CDHR1: variants seen among roughly 807,000 people sequenced by gnomAD.
CDHR1 encodes the protein cadherin related family member 1, also known as cadherin-related family member 1.
Under a neutral mutation model 72.1 loss-of-function variants are expected in CDHR1, and 61 were observed. The ratio of observed to expected loss-of-function variants is 0.85; its 90% CI spans 0.69 to 1.05. The LOEUF is 1.05. Ranked by LOEUF, CDHR1 falls within the 50% of genes least tolerant of loss-of-function variation. The pLI is 0.00. For synonymous variants in CDHR1, 470 were observed against 448.1 expected, an observed-to-expected ratio of 1.05 and a Z score of -0.62; for missense variants, 1,186 against 1,115.7, an observed-to-expected ratio of 1.06 and a Z score of -0.90.
chr10:84,214,873 T>A lies in CDHR1; in HGVS notation c.*252T>A, dbSNP rs1842403047. On this transcript the variant is annotated 3_prime_UTR_variant, in exon 17 of 17. Coordinates refer to ENST00000623527, the MANE Select transcript of CDHR1 (RefSeq NM_033100.4). ...CAATTGGCAAATACGTCCCCGTTACTCAAATCCTTGGCACTACTACAATGC... is the reference window on the plus strand; with the variant it reads ...CAATTGGCAAATACGTCCCCGTTACACAAATCCTTGGCACTACTACAATGC... The A allele has an allele frequency of 7.0e-7, 1 of 1,438,506 alleles. No individual in the cohort carries two copies. The highest frequency in any genetic ancestry group is 1.5e-5 in the South Asian group (1 of 68,016). 89.1% of individuals were successfully genotyped at this position (1,438,506 alleles called of 1,614,324 possible).
intron 12 of CDHR1, 113 bp downstream of exon 12, chr10:84,208,994 A>G (rs994434783): frequency 4.2e-6 from 5 of 1,179,702 alleles, no homozygotes; most frequent in Middle Eastern, 5.2e-4. Flanking sequence ...TCCTGGCCCT[A>G]CTCTTTTCTT....
chr10:84,198,354 G>A (rs1842063899), intron 4 of CDHR1, among the ~76,000 whole-genome samples: 1 of 152,248 alleles, frequency 6.6e-6, no homozygotes, highest in South Asian at 2.1e-4. Flanking sequence ...CTGGCGGGAT[G>A]AAAATTAAGC....
chr10:84,219,027 C>A, downstream of CDHR1: 1 of 716,332 alleles, frequency 1.4e-6, no homozygotes, highest in Admixed American at 2.9e-5. Flanking sequence ...CTGTTATTAT[C>A]CCCATTTTAC....
Position 84,207,671 on chromosome 10 carries a change from C to T in CDHR1, c.964-503C>T, listed in dbSNP as rs1403637694. ...CCAAACTTAGTGGCTTAAAACAATA[C>T]ACATTCATATCTCATAGTTTCTGTG... On this transcript the variant is annotated intron_variant, in intron 10 of 16. Transcript: ENST00000623527. Among the ~76,000 whole-genome samples the T allele has an allele frequency of 2.6e-5, 4 of 152,148 alleles. No individual in the cohort carries two copies. The East Asian group carries it at 5.8e-4, about 22-fold the overall frequency.
At position 84,195,559 on chromosome 10, in the gene CDHR1, C is replaced by G; in HGVS notation, c.121C>G (p.Leu41Val). ...CGGCAGCACCAACGGAAACATGGCT[C>G]TGTTCAGCCTCCCAGAGGACACCCC... ...GVGSTNGNMA[L>V]FSLPEDTPVG... The change falls in exon 2 of 17, where the codon CTG becomes GTG. Residue 41 changes from leucine (L) to valine (V), a missense_variant. Leu to Val is a conservative substitution (Grantham distance 32). Coordinates refer to ENST00000623527, the MANE Select transcript of CDHR1 (RefSeq NM_033100.4). 6.2e-7 allele frequency: 1 copy of G among 1,614,184 alleles called. No individual in the cohort carries two copies. The highest frequency in any genetic ancestry group is 8.5e-7 in the Non-Finnish European group (1 of 1,180,012).
At chr10:84,204,883 T>G (rs1214030723) in intron 9 of CDHR1, among the ~76,000 whole-genome samples, 2 of 152,220 alleles carry the variant, frequency 1.3e-5, no homozygotes, top group Non-Finnish European at 2.9e-5. Flanking sequence ...TATTTGCTCC[T>G]TGATGGGAAT....
At chr10:84,196,885 C>T (rs1842040066) in intron 3 of CDHR1, among the ~76,000 whole-genome samples, 1 of 152,218 alleles carries the variant, frequency 6.6e-6, no homozygotes, top group Non-Finnish European at 1.5e-5. Context: ...TTAACGAGCA[C>T]CTGCCAGCCC....
Position 84,199,098 on chromosome 10 carries a change from C to A in CDHR1, c.415C>A (p.Pro139Thr), listed in dbSNP as rs192282380. The A allele has an allele frequency of 9.0e-6, 14 of 1,551,294 alleles. No individual in the cohort carries two copies. Among genetic ancestry groups the A allele is most frequent in the African/African-American group, 1.4e-5 (1 of 73,106 alleles). Residue 139 changes from proline (P) to threonine (T), a missense_variant, in exon 5 of 17, where the codon CCT becomes ACT. Transcript: ENST00000623527. ...NDEAPRFIQE[P>T]YVALVPEDIP... ...TGAGGCGCCCAGGTTCATCCAGGAG[C>A]CTTATGTTGCCCTGGTTCCCGAGGT...
chr10:84,202,259 C>T lies in CDHR1; in HGVS notation c.639+339C>T, dbSNP rs563130429. On this transcript the variant is annotated intron_variant, in intron 7 of 16. Transcript: ENST00000623527. ...CTCGCTGGCCAGGCTTGCTCACCCA[C>T]CTCCTCCTCTCTGTGTGCCCAATCA... 2.0e-5 allele frequency among the ~76,000 whole-genome samples: 3 copies of T among 152,282 alleles called. No individual in the cohort carries two copies. The East Asian group carries it at 5.8e-4, about 29-fold the overall frequency.
chr10:84,209,647 A>C (rs1336049549), intron 12 of CDHR1, among the ~76,000 whole-genome samples: 1 of 152,020 alleles, frequency 6.6e-6, no homozygotes, highest in East Asian at 1.9e-4. Flanking sequence ...GACAAAAAAA[A>C]AAAAAAAGAA....
chr10:84,196,674 T>C (rs1387432719), intron 3 of CDHR1, 24 bp downstream of exon 3: 1 of 1,613,956 alleles, frequency 6.2e-7, no homozygotes, highest in South Asian at 1.1e-5. Flanking sequence ...TGGGGAGTGC[T>C]GCGGGGCCAC....
Position 84,218,630 on chromosome 10 carries a change from C to T in CDHR1, c.*4009C>T. ...TTACAAATGTCTCCTCAATCAAAGG[C>T]ATTTGCCTTAAACTTGTATGGTCTA... On this transcript the variant is annotated 3_prime_UTR_variant, in exon 17 of 17. Coordinates refer to ENST00000623527, the MANE Select transcript of CDHR1 (RefSeq NM_033100.4). 1 of 985,780 alleles carries T rather than the reference C, an allele frequency of 1.0e-6. No individual in the cohort carries two copies. The highest frequency in any genetic ancestry group is 1.2e-6 in the Non-Finnish European group (1 of 830,184). The allele number at this position is 985,780 out of a possible 1,614,324, so 61.1% of individuals were successfully genotyped here.
intron 7 of CDHR1, 146 bp downstream of exon 7, chr10:84,202,066 T>C (rs1842138018): frequency 1.4e-6 from 1 of 725,850 alleles, no homozygotes; most frequent in African/African-American, 1.7e-5. Flanking sequence ...TCGGAATTTT[T>C]CCTGCCTGGA....
intron 12 of CDHR1, among the ~76,000 whole-genome samples, chr10:84,209,462 A>C (rs1842289469): frequency 6.6e-6 from 1 of 152,176 alleles, no homozygotes; most frequent in African/African-American, 2.4e-5. Flanking sequence ...CAATCCATGA[A>C]ATTAGGAACA....
At chr10:84,203,708 G>A (rs775048812) in intron 8 of CDHR1, among the ~76,000 whole-genome samples, 6 of 152,200 alleles carry the variant, frequency 3.9e-5, no homozygotes, top group Non-Finnish European at 7.3e-5. Flanking sequence ...GAGCCACCGC[G>A]CCCGGCCTAT....
chr10:84,212,757 T>A (rs1382883773), intron 15 of CDHR1: 2 of 523,956 alleles, frequency 3.8e-6, no homozygotes, highest in African/African-American at 1.9e-5. Flanking sequence ...CAGACTTGAC[T>A]TTGAATCCTG....
chr10:84,197,903 C>G lies in CDHR1; in HGVS notation c.348+67C>G, dbSNP rs370015988. ...TTGGGCCTGAGAAGGGTGAGGCTGG[C>G]ACGATTCCTCCCCAAGCCTTCATGG... On this transcript the variant is annotated intron_variant, in intron 4 of 16. Coordinates refer to ENST00000623527, the MANE Select transcript of CDHR1 (RefSeq NM_033100.4). 7.2e-4 allele frequency: 1,047 copies of G among 1,451,432 alleles called. 1 individual carries two copies. Among genetic ancestry groups the G allele is most frequent in the Middle Eastern group, 2.0e-3 (9 of 4,572 alleles). The allele number at this position is 1,451,432 out of a possible 1,614,324, so 89.9% of individuals were successfully genotyped here.
chr10:84,201,874 T>C lies in CDHR1; in HGVS notation c.593T>C (p.Leu198Pro), dbSNP rs1842132394. 6.2e-7 allele frequency: 1 copy of C among 1,609,050 alleles called. No homozygotes were observed. The highest frequency in any genetic ancestry group is 8.5e-7 in the Non-Finnish European group (1 of 1,179,988). ...CTGCGCCTCCAGGCTGGGGCCACTC[T>C]GGACTACGAGAGGTCCCGGACCCAC... ...GVLRLQAGATLDYERSRTHYI... is the reference protein window; with the variant it reads ...GVLRLQAGATPDYERSRTHYI... Residue 198 changes from leucine to proline, a missense_variant, in exon 7 of 17, where the codon CTG becomes CCG. Coordinates refer to ENST00000623527, the MANE Select transcript of CDHR1 (RefSeq NM_033100.4).
Position 84,195,597 on chromosome 10 carries a change from GCCCTGGCA to G in CDHR1, c.151+11_151+18del, listed in dbSNP as rs1472273556. 5.0e-6 allele frequency: 8 copies of G among 1,611,372 alleles called. No homozygotes were observed. The South Asian group carries it at 6.6e-5, about 13-fold the overall frequency. ...CAGAGGACACCCCTGTAGGTGAGTAGCCCTGGCACCTGCTCCCGATAGGTCTCCCTGAG... is the reference window on the plus strand; with the variant it reads ...CAGAGGACACCCCTGTAGGTGAGTAGCCTGCTCCCGATAGGTCTCCCTGAG... On this transcript the variant is annotated intron_variant, in intron 2 of 16. Transcript: ENST00000623527.
Sources: gnomAD v4.1 joint callset for allele counts (sites outside exome capture counted in the v4.1 genomes callset) on GRCh38, gnomAD v4.1.1 for gene constraint, MANE v1.5 for transcripts, NCBI Gene and HGNC (gene_info 2026-07-23, HGNC 2026-07-21) for gene names.